Variants in FRMPD4 observed in about 807,000 individuals in gnomAD.
FRMPD4 encodes FERM and PDZ domain-containing protein 4.
FRMPD4 carries 22 observed loss-of-function variants against 94.1 expected under a neutral mutation model. The observed-to-expected ratio is 0.23, with a 90% CI of 0.17 to 0.33. The LOEUF is 0.33. Ranked by LOEUF, FRMPD4 falls within the 10% of genes least tolerant of loss-of-function variation. FRMPD4 has a pLI of 1.00. For missense variants in FRMPD4, 1,111 were observed against 1,339.9 expected (o/e 0.83, Z 2.67); for synonymous variants, 631 against 548.6 (o/e 1.15, Z -2.10).
intron 1 of FRMPD4, among the ~76,000 whole-genome samples, chrX:12,222,504 T>G (rs1419953717): frequency 8.9e-6 from 1 of 112,086 alleles, no homozygotes; most frequent in Non-Finnish European, 1.9e-5. Flanking sequence ...TGAGATATAT[T>G]GTTGCATGCC....
chrX:12,719,663 C>CTCCTTTGGAAAAGCTGTCTCCTTT (rs1268978646), intron 16 of FRMPD4, among the ~76,000 whole-genome samples: 1 of 111,628 alleles, frequency 9.0e-6, no homozygotes, highest in Non-Finnish European at 1.9e-5. Context: ...CTGGCTTTAC[C>CTCCTTTGGAAAAGCTGTCTCCTTT]TCCTTTGGAA....
intron 5 of FRMPD4, among the ~76,000 whole-genome samples, chrX:12,680,372 G>C (rs769679104): frequency 2.7e-5 from 3 of 112,214 alleles, no homozygotes; most frequent in South Asian, 7.4e-4. Flanking sequence ...CTTTCAAGTG[G>C]TACACATTGT....
intron 1 of FRMPD4, among the ~76,000 whole-genome samples, chrX:12,321,850 C>T (rs191531402): frequency 8.9e-5 from 10 of 111,934 alleles, no homozygotes; most frequent in Non-Finnish European, 3.8e-5. Flanking sequence ...TCACTCTTCA[C>T]ACTTGTATAA....
At chrX:12,009,185 G>A (rs1002852485) in intron 3 of FRMPD4, among the ~76,000 whole-genome samples, 2 of 112,153 alleles carry the variant, frequency 1.8e-5, no homozygotes, top group Non-Finnish European at 3.8e-5. Context: ...AACTATGTGA[G>A]GTGATGGATA....
chrX:12,386,305 G>A (rs2056396550), intron 1 of FRMPD4, among the ~76,000 whole-genome samples: 1 of 112,382 alleles, frequency 8.9e-6, no homozygotes, highest in African/African-American at 3.2e-5. Context: ...AGAAAAGCTT[G>A]GGAGAGTTGG....
intron 3 of FRMPD4, among the ~76,000 whole-genome samples, chrX:12,106,642 C>A (rs1439804343): frequency 1.8e-5 from 2 of 111,682 alleles, no homozygotes; most frequent in Non-Finnish European, 3.8e-5. Flanking sequence ...TCAGGGAATT[C>A]CCTTTCCTAG....
intron 2 of FRMPD4, among the ~76,000 whole-genome samples, chrX:12,546,588 A>C (rs1468104968): frequency 8.9e-6 from 1 of 112,143 alleles, no homozygotes; most frequent in Non-Finnish European, 1.9e-5. Flanking sequence ...TGGAACACTG[A>C]ATATACTCTT....
chrX:12,200,698 G>A (rs1443932927), intron 1 of FRMPD4, among the ~76,000 whole-genome samples: 1 of 111,332 alleles, frequency 9.0e-6, no homozygotes, highest in African/African-American at 3.3e-5. Context: ...CTCTGTTATT[G>A]TAAATAAAAT....
intron 1 of FRMPD4, among the ~76,000 whole-genome samples, chrX:11,846,706 C>T (rs1478886191): frequency 9.3e-6 from 1 of 107,931 alleles, no homozygotes; most frequent in Non-Finnish European, 1.9e-5. Context: ...GAACAGAACA[C>T]AGCCCTCAGA....
chrX:11,904,701 T>C (rs1302030027), intron 3 of FRMPD4, among the ~76,000 whole-genome samples: 2 of 111,964 alleles, frequency 1.8e-5, no homozygotes, highest in Non-Finnish European at 3.8e-5. Context: ...ATATCAGCAA[T>C]TACCATACTA....
In FRMPD4 at chrX:11,853,455, T is replaced by TA. The variant is rs1207952874; in HGVS notation, c.-160-11623dup. On this transcript the variant is annotated intron_variant, in intron 1 of 18. Coordinates refer to the FRMPD4 transcript ENST00000640291. ...TCAATGAATCCAGGAGCCATTTTTTTAAAAAAAATTAAAAATATATATTGC... is the reference window on the plus strand; with the variant it reads ...TCAATGAATCCAGGAGCCATTTTTTTAAAAAAAAATTAAAAATATATATTGC... 8.2e-5 allele frequency among the ~76,000 whole-genome samples: 9 copies of TA among 110,227 alleles called. No individual in the cohort carries two copies. In the East Asian group the frequency reaches 2.2e-3, roughly 28 times the overall value.
intron 1 of FRMPD4, among the ~76,000 whole-genome samples, chrX:12,450,887 A>G (rs2057260676): frequency 9.8e-6 from 1 of 101,963 alleles, no homozygotes; most frequent in South Asian, 4.8e-4. Flanking sequence ...AAAAAAAGAG[A>G]GAGAGAAACA....
At chrX:11,995,604 G>A (rs1288094869) in intron 3 of FRMPD4, among the ~76,000 whole-genome samples, 1 of 111,284 alleles carries the variant, frequency 9.0e-6, no homozygotes, top group Non-Finnish European at 1.9e-5. Context: ...TTACCACTTA[G>A]GTATTTAAAC....
At chrX:12,708,344 C>T (rs1474358873) in intron 13 of FRMPD4, among the ~76,000 whole-genome samples, 1 of 109,705 alleles carries the variant, frequency 9.1e-6, no homozygotes, top group Admixed American at 9.7e-5. Flanking sequence ...GTGGCGTGCA[C>T]CTGTAATCCC....
At chrX:12,193,862 G>C (rs2056535048) in intron 1 of FRMPD4, among the ~76,000 whole-genome samples, 1 of 88,566 alleles carries the variant, frequency 1.1e-5, no homozygotes. Flanking sequence ...AAAAAGGAAG[G>C]AAGGAAGAGA....
intron 1 of FRMPD4, among the ~76,000 whole-genome samples, chrX:12,474,015 C>A (rs1270723929): frequency 9.1e-6 from 1 of 110,040 alleles, no homozygotes; most frequent in East Asian, 2.8e-4. Context: ...AATATACATT[C>A]TTTTCAGCAC....
chrX:12,309,909 A>C (rs5935294), intron 1 of FRMPD4, among the ~76,000 whole-genome samples: 37,592 of 111,337 alleles, frequency 0.34, 4,577 homozygotes, highest in Admixed American at 0.52. Flanking sequence ...TGAATCACAA[A>C]GGACATCTGT....
intron 1 of FRMPD4, among the ~76,000 whole-genome samples, chrX:12,308,754 G>A (rs138600261): frequency 0.025 from 2,835 of 111,758 alleles, 102 homozygotes; most frequent in African/African-American, 0.088. Context: ...TACCAAGGCA[G>A]GGAAGGTGGC....
intron 3 of FRMPD4, among the ~76,000 whole-genome samples, chrX:12,045,080 T>C (rs952246949): frequency 3.6e-5 from 4 of 112,258 alleles, no homozygotes; most frequent in Non-Finnish European, 5.6e-5. Flanking sequence ...GAATATTTAT[T>C]GACATTTGGA....
Sources: allele counts gnomAD v4.1 joint callset (sites outside exome capture counted in the v4.1 genomes callset), GRCh38; gene constraint gnomAD v4.1.1; transcripts MANE v1.5; gene names NCBI Gene and HGNC (gene_info 2026-07-23, HGNC 2026-07-21).